Variants in MECOM observed in about 807,000 individuals in gnomAD.
The protein encoded by MECOM is histone-lysine N-methyltransferase MECOM.
MECOM carries 13 observed loss-of-function variants against 116.3 expected under a neutral mutation model. The observed-to-expected ratio is 0.11, with a 90% CI of 0.07 to 0.18. The LOEUF is 0.18. MECOM is among the 10% of genes least tolerant of loss of function. MECOM has a pLI of 1.00. For missense variants in MECOM, 1,299 were observed against 1,509.0 expected, an observed-to-expected ratio of 0.86 and a Z score of 2.31; for synonymous variants, 528 against 535.2, an observed-to-expected ratio of 0.99 and a Z score of 0.19.
intron 2 of MECOM, among the ~76,000 whole-genome samples, chr3:169,268,381 T>C (rs1446778649): frequency 2.0e-5 from 3 of 152,202 alleles, no homozygotes; most frequent in Non-Finnish European, 4.4e-5. Context: ...CAAATACTTG[T>C]TTGGAAAGCT....
At chr3:169,625,878 A>G (rs1419663879) in intron 1 of MECOM, among the ~76,000 whole-genome samples, 1 of 152,248 alleles carries the variant, frequency 6.6e-6, no homozygotes, top group East Asian at 1.9e-4. Context: ...TACAGATCCT[A>G]CAGTAAATAC....
At chr3:169,530,212 A>C (rs937010803) in intron 1 of MECOM, among the ~76,000 whole-genome samples, 1 of 152,204 alleles carries the variant, frequency 6.6e-6, no homozygotes, top group African/African-American at 2.4e-5. Context: ...AGAGGTTCCC[A>C]GTTGATGTTT....
At chr3:169,214,516 A>T (rs976935109) in intron 2 of MECOM, among the ~76,000 whole-genome samples, 5 of 151,702 alleles carry the variant, frequency 3.3e-5, no homozygotes, top group South Asian at 2.1e-4. Context: ...AGCTTTCAGA[A>T]GCTCTTGGTT....
At chr3:169,370,796 A>G (rs1421105898) in intron 2 of MECOM, among the ~76,000 whole-genome samples, 1 of 151,986 alleles carries the variant, frequency 6.6e-6, no homozygotes, top group African/African-American at 2.4e-5. Flanking sequence ...ACTGAATATC[A>G]CTAGTCATCA....
chr3:169,245,820 C>T (rs140566503), intron 2 of MECOM, among the ~76,000 whole-genome samples: 4 of 152,244 alleles, frequency 2.6e-5, no homozygotes, highest in African/African-American at 4.8e-5. Flanking sequence ...GTTACCTTTA[C>T]AATAAAAAAG....
chr3:169,491,500 A>G (rs1038233934), intron 1 of MECOM, among the ~76,000 whole-genome samples: 4 of 152,246 alleles, frequency 2.6e-5, no homozygotes, highest in African/African-American at 7.2e-5. Context: ...CAGAAAAATA[A>G]GAATAATAAT....
At chr3:169,472,633 A>G (rs777120465) in intron 1 of MECOM, among the ~76,000 whole-genome samples, 1,792 of 59,234 alleles carry the variant, frequency 0.03, 61 homozygotes, top group Admixed American at 0.07. Flanking sequence ...AAAAGAAAAG[A>G]AAAGGAAAGG....
At chr3:169,408,893 A>G (rs1487821726) in intron 1 of MECOM, among the ~76,000 whole-genome samples, 1 of 152,186 alleles carries the variant, frequency 6.6e-6, no homozygotes, top group Non-Finnish European at 1.5e-5. Context: ...TGTCTTATTC[A>G]ACACAGATTT....
At chr3:169,131,355 C>T in intron 4 of MECOM, 74 bp downstream of exon 4, 1 of 1,253,064 alleles carries the variant, frequency 8.0e-7, no homozygotes, top group South Asian at 1.2e-5. Context: ...ACACCAGGAA[C>T]AATGGATGCT....
At chr3:169,312,408 G>A (rs1013389598) in intron 2 of MECOM, among the ~76,000 whole-genome samples, 11 of 129,270 alleles carry the variant, frequency 8.5e-5, no homozygotes, top group African/African-American at 2.7e-4. Flanking sequence ...TCACTCTGTC[G>A]CCCAGGCTGG....
chr3:169,116,649 T>C lies in MECOM; in HGVS notation c.1223A>G (p.Lys408Arg). 2 of 1,614,204 alleles carry C rather than the reference T, an allele frequency of 1.2e-6. No homozygotes were observed. Among genetic ancestry groups the C allele is most frequent in the Non-Finnish European group, 1.7e-6 (2 of 1,180,020 alleles). ...HADCRTQIKC[K>R]DCGQMFSTTS... Reference sequence around the variant, plus strand: ...AGTGCTGAACATTTGTCCACAGTCTTTGCACTTGATTTGGGTTCTGCAATC... The same window carrying C: ...AGTGCTGAACATTTGTCCACAGTCTCTGCACTTGATTTGGGTTCTGCAATC... The change falls in exon 8 of 17, where the codon AAA becomes AGA. Residue 408 changes from lysine to arginine, a missense_variant. Physicochemically the swap from Lys to Arg is conservative, Grantham distance 26. Around this residue, in one of 6 missense-constraint regions of MECOM, gnomAD observed 42 missense variants for 103.9 expected, o/e 0.40. Coordinates refer to ENST00000651503, the MANE Select transcript of MECOM (RefSeq NM_004991.4).
chr3:169,577,768 A>G (rs1411494156), intron 1 of MECOM, among the ~76,000 whole-genome samples: 3 of 152,046 alleles, frequency 2.0e-5, no homozygotes, highest in Non-Finnish European at 4.4e-5. Context: ...CTTCCTCCCT[A>G]TTTCATTGTA....
chr3:169,658,362 G>A (rs1040972388), intron 1 of MECOM, among the ~76,000 whole-genome samples: 3 of 152,218 alleles, frequency 2.0e-5, no homozygotes, highest in Non-Finnish European at 4.4e-5. Flanking sequence ...GGCTAGGAAG[G>A]AGCCTGTCCC....
At chr3:169,432,768 A>T (rs1037595572) in intron 1 of MECOM, among the ~76,000 whole-genome samples, 1 of 152,196 alleles carries the variant, frequency 6.6e-6, no homozygotes, top group African/African-American at 2.4e-5. Flanking sequence ...GATATGCAGC[A>T]CCTTTTTAAA....
At chr3:169,526,396 T>C (rs1169047417) in intron 1 of MECOM, among the ~76,000 whole-genome samples, 7 of 152,186 alleles carry the variant, frequency 4.6e-5, no homozygotes, top group Admixed American at 2.0e-4. Context: ...TGAGGCCTAC[T>C]GACACTTAGG....
intron 2 of MECOM, among the ~76,000 whole-genome samples, chr3:169,379,545 A>C (rs80292783): frequency 0.1 from 15,501 of 152,138 alleles, 1,057 homozygotes; most frequent in East Asian, 0.22. Flanking sequence ...AAGGAGAAAA[A>C]AATAATTATT....
At chr3:169,202,145 A>T (rs1749243786) in intron 2 of MECOM, among the ~76,000 whole-genome samples, 1 of 152,130 alleles carries the variant, frequency 6.6e-6, no homozygotes, top group South Asian at 2.1e-4. Context: ...TACTATAATC[A>T]TTACTTTCCT....
chr3:169,157,148 G>C (rs1051397117), intron 2 of MECOM, among the ~76,000 whole-genome samples: 4 of 152,156 alleles, frequency 2.6e-5, no homozygotes, highest in Non-Finnish European at 5.9e-5. Flanking sequence ...TATTGAACGT[G>C]CTTGCTTCTA....
intron 1 of MECOM, among the ~76,000 whole-genome samples, chr3:169,431,519 C>A (rs1357110479): frequency 6.6e-6 from 1 of 152,048 alleles, no homozygotes; most frequent in Non-Finnish European, 1.5e-5. Flanking sequence ...CCAAATGGTA[C>A]CACAAGAAAA....
Sources: allele counts gnomAD v4.1 joint callset (sites outside exome capture counted in the v4.1 genomes callset), GRCh38; gene constraint gnomAD v4.1.1; regional missense constraint gnomAD v4.1.1; transcripts MANE v1.5; gene names NCBI Gene and HGNC (gene_info 2026-07-23, HGNC 2026-07-21).